The following HOGA1 variants were observed in gnomAD, a reference collection of about 807,000 sequenced individuals.
HOGA1 encodes the protein 4-hydroxy-2-oxoglutarate aldolase, mitochondrial.
A neutral mutation model predicts 34.3 loss-of-function variants in HOGA1; 30 were observed. The ratio of observed to expected loss-of-function variants is 0.87; its 90% CI spans 0.65 to 1.19. The LOEUF (loss-of-function observed/expected upper bound fraction) is 1.19. Ranked by LOEUF, HOGA1 falls within the 50% of genes most tolerant of loss-of-function variation. HOGA1 has a pLI of 0.00. For missense variants in HOGA1, 417 were observed against 436.5 expected (o/e 0.96, Z 0.40); for synonymous variants, 161 against 174.0 (o/e 0.93, Z 0.59).
intron 1 of HOGA1, among the ~76,000 whole-genome samples, chr10:97,597,546 A>G (rs867632462): frequency 1.1e-4 from 16 of 152,178 alleles, no homozygotes; most frequent in African/African-American, 3.6e-4. Flanking sequence ...ACGCAAAATA[A>G]AGCAATGAGA....
chr10:97,606,128 CAAAAAAAAA>C (rs60230634), intron 6 of HOGA1, among the ~76,000 whole-genome samples: 2 of 95,206 alleles, frequency 2.1e-5, no homozygotes, highest in African/African-American at 4.1e-5. Flanking sequence ...ACTAAAAATA[CAAAAAAAAA>C]AAAAAAAAAA....
chr10:97,598,737 G>A, intron 1 of HOGA1, 38 bp from the exon 2 acceptor site: 1 of 1,613,886 alleles, frequency 6.2e-7, no homozygotes, highest in Non-Finnish European at 8.5e-7. Context: ...TTGTTCGGTA[G>A]AGGATGGGAA....
chr10:97,601,355 C>A (rs2041114961), intron 5 of HOGA1, among the ~76,000 whole-genome samples: 1 of 152,170 alleles, frequency 6.6e-6, no homozygotes, highest in South Asian at 2.1e-4. Flanking sequence ...CAGGTTTATG[C>A]AGTCAATGGG....
At chr10:97,599,384 A>G in intron 3 of HOGA1, 168 bp downstream of exon 3, 1 of 791,894 alleles carries the variant, frequency 1.3e-6, no homozygotes, top group Non-Finnish European at 2.1e-6. Context: ...ACTCTGTGTT[A>G]CTGCTTTCTC....
intron 6 of HOGA1, among the ~76,000 whole-genome samples, chr10:97,604,079 T>C (rs1472969520): frequency 1.3e-5 from 2 of 152,196 alleles, no homozygotes; most frequent in African/African-American, 4.8e-5. Context: ...CCATGCCTAC[T>C]CACATTTGCC....
At chr10:97,610,059 T>C (rs2041183925) in intron 6 of HOGA1, among the ~76,000 whole-genome samples, 2 of 152,246 alleles carry the variant, frequency 1.3e-5, no homozygotes, top group South Asian at 4.1e-4. Context: ...TTTGTAGTTT[T>C]TAGGTAGTGA....
At chr10:97,602,098 C>G (rs542948680) in intron 6 of HOGA1, 108 bp downstream of exon 6, 14 of 1,550,542 alleles carry the variant, frequency 9.0e-6, no homozygotes, top group Middle Eastern at 3.3e-4. Context: ...CTCTTCCTTT[C>G]AGAAAATCCT....
intron 1 of HOGA1, among the ~76,000 whole-genome samples, chr10:97,594,327 C>T (rs2041052592): frequency 1.3e-5 from 2 of 151,834 alleles, no homozygotes; most frequent in African/African-American, 2.4e-5. Context: ...AGGTGCGCGC[C>T]TCCATGCTTG....
chr10:97,586,256 A>T (rs1006387579), intron 1 of HOGA1, among the ~76,000 whole-genome samples: 5 of 152,254 alleles, frequency 3.3e-5, no homozygotes. Flanking sequence ...GGACAAAAAA[A>T]TCTGAGAGAA....
chr10:97,589,711 C>A (rs990074673), intron 1 of HOGA1: 8 of 546,524 alleles, frequency 1.5e-5, no homozygotes, highest in Non-Finnish European at 2.0e-5. Flanking sequence ...CAGCAGGGGG[C>A]CTGCCTGTCA....
Position 97,584,536 on chromosome 10 carries a change from G to A in HOGA1, c.-168G>A. On this transcript the variant is annotated 5_prime_UTR_variant, in exon 1 of 7. Coordinates refer to ENST00000370646, the MANE Select transcript of HOGA1 (RefSeq NM_138413.4). The stretch of plus-strand genomic sequence containing the variant: ...GGGCCCCCTGGGGCCTATAGGCCTT[G>A]CCCCTGACCCTGGGAACACCCAGCT... 1.5e-6 allele frequency: 1 copy of A among 648,208 alleles called. No individual in the cohort carries two copies. Among genetic ancestry groups the A allele is most frequent in the African/African-American group, 1.8e-5 (1 of 55,418 alleles). The allele number at this position is 648,208 out of a possible 1,614,324, so 40.2% of individuals were successfully genotyped here. A position where few individuals can be genotyped will look rare whatever the true frequency, so the allele number is the denominator to read the frequency against.
At chr10:97,601,310 C>G (rs530592433) in intron 5 of HOGA1, among the ~76,000 whole-genome samples, 1 of 152,242 alleles carries the variant, frequency 6.6e-6, no homozygotes, top group Non-Finnish European at 1.5e-5. Flanking sequence ...TTCATTGCCC[C>G]GATGGGCACA....
intron 6 of HOGA1, chr10:97,602,687 T>G (rs1589910129): frequency 1.3e-6 from 1 of 755,548 alleles, no homozygotes; most frequent in South Asian, 6.0e-5. Context: ...CTTTCTTTCT[T>G]TCCTTCTTTC....
intron 6 of HOGA1, among the ~76,000 whole-genome samples, chr10:97,609,215 A>G (rs890362741): frequency 1.3e-5 from 2 of 152,096 alleles, no homozygotes; most frequent in African/African-American, 4.8e-5. Flanking sequence ...GCACCTCTGA[A>G]AACGAAGGTC....
intron 1 of HOGA1, 133 bp downstream of exon 1, chr10:97,585,047 G>A (rs1182068104): frequency 5.4e-6 from 4 of 736,242 alleles, no homozygotes; most frequent in Non-Finnish European, 9.4e-6. Context: ...TTTATTATGG[G>A]AGAGGAACAG....
Position 97,589,686 on chromosome 10 carries a change from C to T in HOGA1, c.211+4772C>T, listed in dbSNP as rs966926298. On this transcript the variant is annotated intron_variant, in intron 1 of 6. Coordinates refer to ENST00000370646, the MANE Select transcript of HOGA1 (RefSeq NM_138413.4). Reference sequence around the variant, plus strand: ...GGTTCATTGTTGAGGTGGTGGGGGGCACCTAGGGAGGGTGCAGCAGGGGGC... The same window carrying T: ...GGTTCATTGTTGAGGTGGTGGGGGGTACCTAGGGAGGGTGCAGCAGGGGGC... 5 of 458,112 alleles carry T rather than the reference C, an allele frequency of 1.1e-5. No individual in the cohort carries two copies. In the East Asian group the frequency reaches 1.9e-4, roughly 18 times the overall value. The allele number at this position is 458,112 out of a possible 1,614,324, so 28.4% of individuals were successfully genotyped here. A position where few individuals can be genotyped will look rare whatever the true frequency, so the allele number is the denominator to read the frequency against.
At chr10:97,598,683 G>A (rs2041089403) in intron 1 of HOGA1, 92 bp from the exon 2 acceptor site, 1 of 1,489,832 alleles carries the variant, frequency 6.7e-7, no homozygotes, top group Non-Finnish European at 9.4e-7. Flanking sequence ...AAGGAAATGT[G>A]TGAAAGATTA....
chr10:97,605,432 AAAAC>A (rs2041150539), intron 6 of HOGA1, among the ~76,000 whole-genome samples: 1 of 151,638 alleles, frequency 6.6e-6, no homozygotes, highest in African/African-American at 2.4e-5. Context: ...ACAAAAAACC[AAAAC>A]AAACAAAAAA....
At chr10:97,600,288 C>G (rs1286858973) in intron 5 of HOGA1, 125 bp downstream of exon 5, 6 of 820,142 alleles carry the variant, frequency 7.3e-6, no homozygotes, top group African/African-American at 1.7e-5. Flanking sequence ...AGCCTGCCCA[C>G]TCTGAAAACT....
Sources: allele counts gnomAD v4.1 joint callset (sites outside exome capture counted in the v4.1 genomes callset), GRCh38; gene constraint gnomAD v4.1.1; transcripts MANE v1.5; gene names NCBI Gene and HGNC (gene_info 2026-07-23, HGNC 2026-07-21).